The following RFX3 variants were observed in gnomAD, a reference collection of about 807,000 sequenced individuals.
The protein encoded by RFX3 is regulatory factor X3.
In RFX3, 14 loss-of-function variants were observed where a neutral mutation model predicts 98.6. The ratio of observed to expected loss-of-function variants is 0.14; its 90% CI spans 0.09 to 0.22. RFX3 has a LOEUF of 0.22. RFX3 is among the 10% of genes least tolerant of loss of function. The pLI, the probability that RFX3 is intolerant of heterozygous loss-of-function variation, is 1.00. For synonymous variants in RFX3, 383 were observed against 328.4 expected (o/e 1.17, Z -1.80); for missense variants, 639 against 926.9 (o/e 0.69, Z 4.03).
chr9:3,498,238 C>T (rs764189995), intron 1 of RFX3, among the ~76,000 whole-genome samples: 7 of 152,004 alleles, frequency 4.6e-5, no homozygotes, highest in Non-Finnish European at 1.0e-4. Context: ...TTTACTGTCG[C>T]TGTAAAGGAT....
intron 1 of RFX3, among the ~76,000 whole-genome samples, chr9:3,489,217 T>A (rs931730591): frequency 6.6e-6 from 1 of 152,114 alleles, no homozygotes; most frequent in African/African-American, 2.4e-5. Flanking sequence ...GCAATTGCAT[T>A]TCAACTCTTT....
Position 3,221,328 on chromosome 9 carries a change from C to T in RFX3, c.*3714G>A, listed in dbSNP as rs1016152848. The T allele has an allele frequency of 3.9e-5, 6 of 152,084 alleles. No individual in the cohort carries two copies. Among genetic ancestry groups the T allele is most frequent in the African/African-American group, 9.7e-5 (4 of 41,412 alleles). 9.4% of individuals were successfully genotyped at this position (152,084 alleles called of 1,614,324 possible). On this transcript the variant is annotated 3_prime_UTR_variant, in exon 17 of 17. Coordinates refer to ENST00000617270, the MANE Select transcript of RFX3 (RefSeq NM_001282116.2). ...ATTCATATAAAAAGATTCATGATTA[C>T]GGCACTAAAACCGTATTCATTCCTG...
chr9:3,463,622 G>A (rs755019435), intron 1 of RFX3, among the ~76,000 whole-genome samples: 52 of 152,136 alleles, frequency 3.4e-4, no homozygotes, highest in Non-Finnish European at 6.3e-4. Context: ...CTTCTATCCA[G>A]AATATGTAAA....
intron 1 of RFX3, among the ~76,000 whole-genome samples, chr9:3,433,581 T>C (rs1012840516): frequency 1.3e-5 from 2 of 152,196 alleles, no homozygotes; most frequent in Admixed American, 6.5e-5. Context: ...TGTGCTTGGG[T>C]GGGGGTGTTG....
chr9:3,323,871 T>C, intron 4 of RFX3: 1 of 194,916 alleles, frequency 5.1e-6, no homozygotes, highest in Admixed American at 5.6e-5. Flanking sequence ...GTAAAATTAC[T>C]GCCTCTAGAT....
At chr9:3,326,806 C>A (rs1487908105) in intron 4 of RFX3, among the ~76,000 whole-genome samples, 1 of 152,122 alleles carries the variant, frequency 6.6e-6, no homozygotes, top group Non-Finnish European at 1.5e-5. Flanking sequence ...AACTGGGTAA[C>A]AGTGTTTGCT....
intron 1 of RFX3, among the ~76,000 whole-genome samples, chr9:3,413,066 C>G (rs1842590975): frequency 6.6e-6 from 1 of 151,746 alleles, no homozygotes; most frequent in Non-Finnish European, 1.5e-5. Context: ...ACCAAAAAAC[C>G]TCTCTCCTTG....
At chr9:3,319,853 G>GAAA (rs199976614) in intron 4 of RFX3, among the ~76,000 whole-genome samples, 1 of 121,448 alleles carries the variant, frequency 8.2e-6, no homozygotes, top group Non-Finnish European at 1.9e-5. Flanking sequence ...GTCAGTGACC[G>GAAA]AAAAAAAAAA....
At chr9:3,427,245 A>T (rs952580433) in intron 1 of RFX3, among the ~76,000 whole-genome samples, 42 of 144,260 alleles carry the variant, frequency 2.9e-4, no homozygotes, top group African/African-American at 9.8e-4. Flanking sequence ...ATATAAATAA[A>T]ATATATATAT....
At chr9:3,244,555 G>C (rs1820386086) in intron 15 of RFX3, among the ~76,000 whole-genome samples, 2 of 152,148 alleles carry the variant, frequency 1.3e-5, no homozygotes, top group East Asian at 1.9e-4. Context: ...CTTCCCCTTG[G>C]CTGTGCTCTC....
chr9:3,400,319 G>T, intron 1 of RFX3: 1 of 443,632 alleles, frequency 2.3e-6, no homozygotes, highest in East Asian at 1.6e-4. Flanking sequence ...AATAAGATAG[G>T]TAAAAAACAA....
chr9:3,470,496 CTT>C (rs200370245), intron 1 of RFX3, among the ~76,000 whole-genome samples: 3 of 143,704 alleles, frequency 2.1e-5, no homozygotes, highest in African/African-American at 2.5e-5. Context: ...TTCTTTTTTT[CTT>C]TTTTTTTTTT....
At chr9:3,463,680 A>T (rs1054875793) in intron 1 of RFX3, among the ~76,000 whole-genome samples, 11 of 151,920 alleles carry the variant, frequency 7.2e-5, no homozygotes, top group African/African-American at 2.4e-4. Flanking sequence ...TGTTTTTTTT[A>T]AAACTAGGGG....
chr9:3,359,703 TTGGTAG>T, intron 2 of RFX3, among the ~76,000 whole-genome samples: 1 of 152,164 alleles, frequency 6.6e-6, no homozygotes, highest in Admixed American at 6.6e-5. Flanking sequence ...TATTATAAAA[TTGGTAG>T]AATCTTCTAA....
chr9:3,414,973 TAC>T (rs1415449864), intron 1 of RFX3, among the ~76,000 whole-genome samples: 2 of 138,064 alleles, frequency 1.4e-5, no homozygotes, highest in Admixed American at 1.5e-4. Context: ...TATTCATATA[TAC>T]ACTTATATAT....
chr9:3,504,459 CCATATGGTATATATTGT>C lies in RFX3; in HGVS notation c.-9+21271_-9+21287del, dbSNP rs1382281492. On this transcript the variant is annotated intron_variant, in intron 1 of 16. Coordinates refer to ENST00000617270, the MANE Select transcript of RFX3 (RefSeq NM_001282116.2). ...TTGTATATAAAATATATATTATATG[CCATATGGTATATATTGT>C]ATATAAAATATATATTATATGCCAT... 3.6e-3 allele frequency among the ~76,000 whole-genome samples: 442 copies of C among 123,776 alleles called. 25 individuals carry two copies. The highest frequency in any genetic ancestry group is 4.6e-3 in the South Asian group (17 of 3,706). 81.2% of individuals were successfully genotyped at this position (123,776 alleles called of 152,430 possible). A position where few individuals can be genotyped will look rare whatever the true frequency, so the allele number is the denominator to read the frequency against.
In RFX3 at chr9:3,467,111, TATAC is replaced by T. The variant is rs1274915138; in HGVS notation, c.-9+58632_-9+58635del. Among the ~76,000 whole-genome samples, 7 of 141,208 alleles carry T rather than the reference TATAC, an allele frequency of 5.0e-5. No homozygotes were observed. In the Admixed American group the frequency reaches 5.0e-4, roughly 10 times the overall value. The allele number at this position is 141,208 out of a possible 152,430, so 92.6% of individuals were successfully genotyped here. A position where few individuals can be genotyped will look rare whatever the true frequency, so the allele number is the denominator to read the frequency against. ...ATACATATATGTAAGTATATATGTA[TATAC>T]ATACATATATGTAAGTATATATGTA... On this transcript the variant is annotated intron_variant, in intron 1 of 16. Transcript: ENST00000617270.
At chr9:3,350,547 G>C (rs1299593104) in intron 2 of RFX3, among the ~76,000 whole-genome samples, 1 of 152,076 alleles carries the variant, frequency 6.6e-6, no homozygotes, top group African/African-American at 2.4e-5. Context: ...ATATGATCCA[G>C]TAATCATGTT....
chr9:3,428,049 G>C (rs138703570), intron 1 of RFX3, among the ~76,000 whole-genome samples: 3 of 152,188 alleles, frequency 2.0e-5, no homozygotes, highest in African/African-American at 7.2e-5. Flanking sequence ...CTCTTTTTAT[G>C]TATCTGCCTT....
Sources: allele counts gnomAD v4.1 joint callset (sites outside exome capture counted in the v4.1 genomes callset), GRCh38; gene constraint gnomAD v4.1.1; transcripts MANE v1.5; gene names NCBI Gene and HGNC (gene_info 2026-07-23, HGNC 2026-07-21).